The following ELL variants were observed in gnomAD, a reference collection of about 807,000 sequenced individuals.
The protein encoded by ELL is RNA polymerase II elongation factor ELL.
A neutral mutation model predicts 64.0 loss-of-function variants in ELL; 18 were observed. That is an observed-to-expected ratio of 0.28 (90% CI 0.19 to 0.42). The LOEUF is 0.42. ELL is among the 10% of genes least tolerant of loss of function. The pLI is 1.00. For missense variants in ELL, 797 were observed against 870.4 expected (o/e 0.92, Z 1.06); for synonymous variants, 399 against 376.2 (o/e 1.06, Z -0.70).
At chr19:18,482,473 C>A (rs1052208758) in intron 1 of ELL, among the ~76,000 whole-genome samples, 1 of 151,554 alleles carries the variant, frequency 6.6e-6, no homozygotes, top group Non-Finnish European at 1.5e-5. Context: ...GTAGCTGGGA[C>A]TACAGGTGCG....
intron 1 of ELL, among the ~76,000 whole-genome samples, chr19:18,481,325 G>T (rs1975295408): frequency 6.6e-6 from 1 of 152,222 alleles, no homozygotes; most frequent in African/African-American, 2.4e-5. Context: ...GGGGCCAGAA[G>T]TCTGAAATCC....
At chr19:18,472,572 G>T in intron 2 of ELL, 1 of 474,510 alleles carries the variant, frequency 2.1e-6, no homozygotes, top group Non-Finnish European at 3.7e-6. Context: ...CAGAGTGGAA[G>T]CTAGGTGCAC....
chr19:18,484,624 A>G (rs1975373490), intron 1 of ELL, among the ~76,000 whole-genome samples: 2 of 152,200 alleles, frequency 1.3e-5, no homozygotes, highest in Admixed American at 1.3e-4. Flanking sequence ...GGGGTGACAG[A>G]GAGAGATACT....
At chr19:18,462,014 C>A (rs542318616) in intron 4 of ELL, among the ~76,000 whole-genome samples, 162 bp from the exon 5 acceptor site, 1 of 152,294 alleles carries the variant, frequency 6.6e-6, no homozygotes, top group Admixed American at 6.5e-5. Context: ...GGACCCTGGG[C>A]GACCAAGAGC....
chr19:18,519,405 AAGCC>A (rs1413264681), intron 1 of ELL, among the ~76,000 whole-genome samples: 3 of 152,202 alleles, frequency 2.0e-5, no homozygotes, highest in Non-Finnish European at 4.4e-5. Flanking sequence ...CAAGTTCTTC[AAGCC>A]ACCTTCCTCA....
intron 2 of ELL, among the ~76,000 whole-genome samples, 161 bp from the exon 3 acceptor site, chr19:18,466,079 G>A (rs577007887): frequency 6.6e-6 from 1 of 152,190 alleles, no homozygotes; most frequent in Admixed American, 6.5e-5. Flanking sequence ...TGACGGGACA[G>A]GCAGCCCATC....
At chr19:18,509,598 TACACACACACACACACACACACAC>T (rs1183127480) in intron 1 of ELL, among the ~76,000 whole-genome samples, 20 of 81,854 alleles carry the variant, frequency 2.4e-4, no homozygotes, top group South Asian at 4.5e-4. Context: ...CGCGCGCACA[TACACACACACACACACACACACAC>T]ACACACACAC....
chr19:18,490,603 G>A (rs895707609), intron 1 of ELL, among the ~76,000 whole-genome samples: 3 of 152,172 alleles, frequency 2.0e-5, no homozygotes, highest in African/African-American at 7.2e-5. Flanking sequence ...AGAGTGTGCT[G>A]GATTTTGGGT....
At chr19:18,462,732 G>A (rs1021965596) in intron 4 of ELL, among the ~76,000 whole-genome samples, 3 of 152,166 alleles carry the variant, frequency 2.0e-5, no homozygotes, top group African/African-American at 7.2e-5. Context: ...GGGGGTCCCT[G>A]AACTGCAAGA....
intron 1 of ELL, among the ~76,000 whole-genome samples, chr19:18,505,988 C>G (rs1036303922): frequency 6.6e-6 from 1 of 152,188 alleles, no homozygotes; most frequent in Admixed American, 6.5e-5. Context: ...GTGGCCAATA[C>G]CAGTGAGGCA....
At chr19:18,478,323 G>A (rs980697802) in intron 1 of ELL, among the ~76,000 whole-genome samples, 2 of 152,188 alleles carry the variant, frequency 1.3e-5, no homozygotes, top group African/African-American at 4.8e-5. Flanking sequence ...TTTGGGGTTG[G>A]CCTCAGGCTG....
At chr19:18,510,318 CAAG>C (rs1378753711) in intron 1 of ELL, among the ~76,000 whole-genome samples, 3 of 152,174 alleles carry the variant, frequency 2.0e-5, no homozygotes, top group Non-Finnish European at 4.4e-5. Flanking sequence ...TGCAGTGAGC[CAAG>C]AATCACACCA....
chr19:18,493,359 C>G (rs921526349), intron 1 of ELL, among the ~76,000 whole-genome samples: 17 of 152,248 alleles, frequency 1.1e-4, no homozygotes, highest in African/African-American at 3.9e-4. Context: ...GGGGCTTGCC[C>G]TGGGCCCTGG....
intron 1 of ELL, among the ~76,000 whole-genome samples, chr19:18,511,483 C>T (rs556698697): frequency 4.1e-4 from 62 of 152,296 alleles, no homozygotes; most frequent in African/African-American, 1.4e-3. Flanking sequence ...CTTACATGCC[C>T]TGTTCACAGT....
At position 18,442,879 on chromosome 19, in the gene ELL, A is replaced by G. The variant is rs996423085; in HGVS notation, c.*1873T>C. ...CTCCACAGTACAACATTAAAAGAAA[A>G]AAAAATAGTATCAATAAGTTAGACC... On this transcript the variant is annotated 3_prime_UTR_variant, in exon 12 of 12. Transcript: ENST00000262809. The G allele has an allele frequency of 4.4e-6, 1 of 226,640 alleles. No homozygotes were observed. The highest frequency in any genetic ancestry group is 2.2e-5 in the African/African-American group (1 of 44,906). 14.0% of individuals were successfully genotyped at this position (226,640 alleles called of 1,614,324 possible). A position where few individuals can be genotyped will look rare whatever the true frequency, so the allele number is the denominator to read the frequency against.
chr19:18,464,209 A>G (rs957833712), intron 4 of ELL, among the ~76,000 whole-genome samples: 4 of 151,906 alleles, frequency 2.6e-5, no homozygotes, highest in Admixed American at 6.6e-5. Context: ...TCTCTACAAA[A>G]AATCTAAAAG....
chr19:18,498,090 G>T (rs944221834), intron 1 of ELL, among the ~76,000 whole-genome samples: 2 of 151,780 alleles, frequency 1.3e-5, no homozygotes, highest in African/African-American at 4.8e-5. Context: ...TTGCACCATT[G>T]CACTCCATCC....
At chr19:18,498,729 C>T (rs769148969) in intron 1 of ELL, among the ~76,000 whole-genome samples, 5 of 152,108 alleles carry the variant, frequency 3.3e-5, no homozygotes, top group Non-Finnish European at 4.4e-5. Flanking sequence ...GCGGGAGGAT[C>T]GCTTGAGCTC....
At chr19:18,502,874 C>T (rs1459931424) in intron 1 of ELL, among the ~76,000 whole-genome samples, 1 of 152,236 alleles carries the variant, frequency 6.6e-6, no homozygotes, top group Non-Finnish European at 1.5e-5. Flanking sequence ...TGGGAAACCA[C>T]GGGGCCACCT....
Sources: allele counts gnomAD v4.1 joint callset (sites outside exome capture counted in the v4.1 genomes callset), GRCh38; gene constraint gnomAD v4.1.1; transcripts MANE v1.5; gene names NCBI Gene and HGNC (gene_info 2026-07-23, HGNC 2026-07-21).